Variants in TNRC18 observed in about 807,000 individuals in gnomAD.
TNRC18 encodes trinucleotide repeat containing 18.
TNRC18 carries 69 observed loss-of-function variants against 226.7 expected under a neutral mutation model. That is an observed-to-expected ratio of 0.30 (90% CI 0.25 to 0.37). TNRC18 has a LOEUF of 0.37. TNRC18 is among the 10% of genes least tolerant of loss of function. TNRC18 has a pLI of 1.00. For missense variants in TNRC18, 4,754 were observed against 4,256.6 expected (o/e 1.12, Z -3.25); for synonymous variants, 2,449 against 1,927.6 (o/e 1.27, Z -7.09).
At chr7:5,396,192 C>T (rs888134438) in intron 2 of TNRC18, among the ~76,000 whole-genome samples, 1 of 124,322 alleles carries the variant, frequency 8.0e-6, no homozygotes, top group Non-Finnish European at 1.7e-5. Flanking sequence ...AAAAAAAATG[C>T]AAAAAATTAG....
At chr7:5,323,109 A>G (rs1355334438) in intron 21 of TNRC18, among the ~76,000 whole-genome samples, 1 of 152,130 alleles carries the variant, frequency 6.6e-6, no homozygotes, top group East Asian at 1.9e-4. Context: ...GCAGCCCTAC[A>G]TGCCCCTGAG....
chr7:5,357,788 T>C (rs1792603607), intron 15 of TNRC18, among the ~76,000 whole-genome samples: 1 of 152,176 alleles, frequency 6.6e-6, no homozygotes, highest in South Asian at 2.1e-4. Context: ...CTGGCCAGCT[T>C]CAATGTGTAA....
At chr7:5,414,714 C>T (rs963889595) in intron 2 of TNRC18, among the ~76,000 whole-genome samples, 2 of 152,168 alleles carry the variant, frequency 1.3e-5, no homozygotes, top group Non-Finnish European at 2.9e-5. Flanking sequence ...GCCCGGCCCA[C>T]ATTTCAGTAT....
At chr7:5,329,174 G>A (rs1231514124) in intron 19 of TNRC18, among the ~76,000 whole-genome samples, 1 of 151,982 alleles carries the variant, frequency 6.6e-6, no homozygotes, top group African/African-American at 2.4e-5. Flanking sequence ...ATGGTGGTGA[G>A]CGCCTGTGAT....
At chr7:5,354,205 AAATAAT>A (rs200273473) in intron 16 of TNRC18, among the ~76,000 whole-genome samples, 10 of 151,988 alleles carry the variant, frequency 6.6e-5, no homozygotes, top group South Asian at 2.1e-4. Context: ...CTCCATCTCA[AAATAAT>A]AATAATAATA....
chr7:5,317,148 A>C (rs998461795), intron 24 of TNRC18, among the ~76,000 whole-genome samples: 4 of 152,050 alleles, frequency 2.6e-5, no homozygotes, highest in African/African-American at 9.7e-5. Flanking sequence ...GCTATGACAA[A>C]CACTCATGAG....
At chr7:5,387,581 T>C (rs186192120) in intron 5 of TNRC18, 91 bp downstream of exon 5, 5 of 1,514,210 alleles carry the variant, frequency 3.3e-6, no homozygotes, top group African/African-American at 1.4e-5. Context: ...GACTTAGCAA[T>C]AGCAAAGGGA....
rs1289568450 is a variant in TNRC18, at chr7:5,423,771, T to G, written c.-574A>C. On this transcript the variant is annotated 5_prime_UTR_variant, in exon 1 of 30. Coordinates refer to ENST00000430969, the MANE Select transcript of TNRC18 (RefSeq NM_001080495.3). Reference sequence around the variant, plus strand: ...GTTTAAAGAATCCCAAATCTCCATATACAGCCCGGGATTGGAAAAGGTACA... The same window carrying G: ...GTTTAAAGAATCCCAAATCTCCATAGACAGCCCGGGATTGGAAAAGGTACA... Among the ~76,000 whole-genome samples, 1 of 146,210 alleles carries G rather than the reference T, an allele frequency of 6.8e-6. No individual in the cohort carries two copies. The highest frequency in any genetic ancestry group is 1.5e-5 in the Non-Finnish European group (1 of 67,090).
In TNRC18 at chr7:5,361,977, C is replaced by T; in HGVS notation, c.4452G>A (p.Arg1484=). Reference sequence around the variant, plus strand: ...GGCGCTGCACCTCGGCCAGCCGCATCCGGAAGTCCAGCTCCAGGGCGTCCA... The same window carrying T: ...GGCGCTGCACCTCGGCCAGCCGCATTCGGAAGTCCAGCTCCAGGGCGTCCA... The part of the protein sequence containing the change: ...EDMDALELDF[R]MRLAEVQRQY... The change falls in exon 13 of 30, where the codon CGG becomes CGA. Residue 1484 remains arginine, a synonymous_variant. Coordinates refer to ENST00000430969, the MANE Select transcript of TNRC18 (RefSeq NM_001080495.3). The T allele has an allele frequency of 1.9e-6, 3 of 1,613,466 alleles. No homozygotes were observed. Among genetic ancestry groups the T allele is most frequent in the Non-Finnish European group, 2.5e-6 (3 of 1,179,758 alleles).
intron 18 of TNRC18, among the ~76,000 whole-genome samples, chr7:5,333,471 T>C (rs1789770762): frequency 6.6e-6 from 1 of 152,218 alleles, no homozygotes; most frequent in Admixed American, 6.5e-5. Context: ...CCCCCGTTCT[T>C]GGTGCTGCCT....
Position 5,312,376 on chromosome 7 carries a change from C to A in TNRC18, c.8388+127G>T. Reference sequence around the variant, plus strand: ...CAGTGTACCCATCCATAAAGTGGGACGCCAGCCCTCCACCCTGGGGTTCTG... The same window carrying A: ...CAGTGTACCCATCCATAAAGTGGGAAGCCAGCCCTCCACCCTGGGGTTCTG... On this transcript the variant is annotated intron_variant, in intron 27 of 29. Transcript: ENST00000430969. The surrounding 1 kb of genome is among the most constrained non-coding windows in gnomAD (Gnocchi z 6.3). 3 of 1,379,818 alleles carry A rather than the reference C, an allele frequency of 2.2e-6. No individual in the cohort carries two copies. In the South Asian group the frequency reaches 4.5e-5, roughly 21 times the overall value. 85.5% of individuals were successfully genotyped at this position (1,379,818 alleles called of 1,614,324 possible). A position where few individuals can be genotyped will look rare whatever the true frequency, so the allele number is the denominator to read the frequency against.
intron 5 of TNRC18, among the ~76,000 whole-genome samples, chr7:5,379,808 C>T (rs1393673293): frequency 2.0e-5 from 3 of 152,216 alleles, no homozygotes; most frequent in South Asian, 2.1e-4. Context: ...TTCGCACAGG[C>T]GGAGGCACGG....
At chr7:5,421,719 C>T (rs1328848881) in intron 1 of TNRC18, among the ~76,000 whole-genome samples, 1 of 152,146 alleles carries the variant, frequency 6.6e-6, no homozygotes, top group Non-Finnish European at 1.5e-5. Context: ...GAAAAGTGAC[C>T]GGCGGCGGTG....
intron 2 of TNRC18, among the ~76,000 whole-genome samples, chr7:5,403,065 C>T (rs778435774): frequency 2.6e-5 from 4 of 152,040 alleles, no homozygotes; most frequent in Non-Finnish European, 5.9e-5. Context: ...TCCACTCAGC[C>T]GCACCACCCA....
chr7:5,325,898 G>A (rs1451711163), intron 19 of TNRC18, among the ~76,000 whole-genome samples: 9 of 151,522 alleles, frequency 5.9e-5, no homozygotes, highest in Admixed American at 5.9e-4. Context: ...ACCACACCCA[G>A]CTAAGTTTTT....
At chr7:5,398,385 G>C (rs1472187793) in intron 2 of TNRC18, among the ~76,000 whole-genome samples, 2 of 152,118 alleles carry the variant, frequency 1.3e-5, no homozygotes, top group Non-Finnish European at 2.9e-5. Context: ...GGTCAGGCTG[G>C]TCTCGAACTC....
At position 5,357,030 on chromosome 7, in the gene TNRC18, C is replaced by G; in HGVS notation, c.5080G>C (p.Gly1694Arg). The change falls in exon 16 of 30, where the codon GGT becomes CGT. Residue 1694 changes from glycine (G) to arginine (R), a missense_variant. By Grantham distance (125) the Gly-to-Arg change is moderately radical (BLOSUM62 -2). Transcript: ENST00000430969. Reference sequence around the variant, plus strand: ...GTTTTGGCTGCCCTTTTGTGTTTACCTTCTCTGGAGGATTTCAGAGACAGG... The same window carrying G: ...GTTTTGGCTGCCCTTTTGTGTTTACGTTCTCTGGAGGATTTCAGAGACAGG... The part of the protein sequence containing the change: ...LGLSLKSSRE[G>R]KHKRAAKTRK... The G allele has an allele frequency of 3.9e-6, 6 of 1,552,300 alleles. No homozygotes were observed. The highest frequency in any genetic ancestry group is 1.2e-5 in the South Asian group (1 of 84,066).
At chr7:5,376,328 G>T in intron 8 of TNRC18, 104 bp from the exon 9 acceptor site, 1 of 1,065,776 alleles carries the variant, frequency 9.4e-7, no homozygotes, top group Non-Finnish European at 1.3e-6. Context: ...CCCACACAGT[G>T]GGGAGCTGGG....
intron 2 of TNRC18, among the ~76,000 whole-genome samples, chr7:5,399,354 C>A (rs4724669): frequency 6.6e-6 from 1 of 152,158 alleles, no homozygotes; most frequent in Non-Finnish European, 1.5e-5. Flanking sequence ...AACTGGCTGC[C>A]GCCTACTCAC....
Sources: allele counts gnomAD v4.1 joint callset (sites outside exome capture counted in the v4.1 genomes callset), GRCh38; gene constraint gnomAD v4.1.1; non-coding constraint Gnocchi (gnomAD v3.1); transcripts MANE v1.5; gene names NCBI Gene and HGNC (gene_info 2026-07-23, HGNC 2026-07-21).